SCUBE1: variants seen among roughly 807,000 people sequenced by gnomAD.
SCUBE1 encodes signal peptide, CUB and EGF-like domain-containing protein 1.
Under a neutral mutation model 124.4 loss-of-function variants are expected in SCUBE1, and 59 were observed. The observed-to-expected ratio is 0.47, with a 90% CI of 0.38 to 0.59. SCUBE1 has a LOEUF of 0.59. SCUBE1 is among the 20% of genes least tolerant of loss of function. The pLI is 0.00. For missense variants in SCUBE1, 1,150 were observed against 1,371.2 expected (o/e 0.84, Z 2.55); for synonymous variants, 545 against 550.9 (o/e 0.99, Z 0.15).
At chr22:43,212,975 A>C (rs1921636239) in intron 16 of SCUBE1, among the ~76,000 whole-genome samples, 1 of 152,084 alleles carries the variant, frequency 6.6e-6, no homozygotes. Flanking sequence ...CCGCAGAAGG[A>C]GCACCTGCTC....
intron 7 of SCUBE1, chr22:43,238,532 C>T (rs980727203): frequency 1.0e-5 from 6 of 591,118 alleles, no homozygotes; most frequent in Non-Finnish European, 9.1e-6. Context: ...ACAGTAGAGA[C>T]GCTGGCTTAA....
At chr22:43,218,775 G>C (rs1921952474) in intron 14 of SCUBE1, among the ~76,000 whole-genome samples, 1 of 152,160 alleles carries the variant, frequency 6.6e-6, no homozygotes, top group Non-Finnish European at 1.5e-5. Context: ...AGACTCTTGG[G>C]GACTGCCACT....
In SCUBE1 at chr22:43,198,890, C is replaced by T. The variant is rs1035157329; in HGVS notation, c.*5107G>A. ...TCTGCTGTCTGGGGCAGTTTGCTGT[C>T]TGCTTTCCGGGGCAGTTTGTCTGTC... On this transcript the variant is annotated 3_prime_UTR_variant, in exon 22 of 22. Coordinates refer to ENST00000360835, the MANE Select transcript of SCUBE1 (RefSeq NM_173050.5). 52 of 377,164 alleles carry T rather than the reference C, an allele frequency of 1.4e-4. 1 individual carries two copies. Among genetic ancestry groups the T allele is most frequent in the African/African-American group, 1.1e-3 (50 of 46,758 alleles). The allele number at this position is 377,164 out of a possible 1,614,324, so 23.4% of individuals were successfully genotyped here. A position where few individuals can be genotyped will look rare whatever the true frequency, so the allele number is the denominator to read the frequency against.
intron 6 of SCUBE1, among the ~76,000 whole-genome samples, chr22:43,251,106 G>A (rs972924749): frequency 6.6e-6 from 1 of 152,186 alleles, no homozygotes; most frequent in East Asian, 1.9e-4. Context: ...CTCTAGAGGG[G>A]TTGAGCAGTA....
intron 4 of SCUBE1, among the ~76,000 whole-genome samples, chr22:43,280,111 A>G (rs545498619): frequency 6.6e-6 from 1 of 152,206 alleles, no homozygotes; most frequent in East Asian, 1.9e-4. Context: ...CCCGGACCGC[A>G]TGAATCTGAT....
At chr22:43,251,618 C>T (rs997553434) in intron 6 of SCUBE1, among the ~76,000 whole-genome samples, 9 of 152,026 alleles carry the variant, frequency 5.9e-5, no homozygotes, top group Admixed American at 1.3e-4. Flanking sequence ...GAGAAGGGAC[C>T]GCGGGACAAG....
chr22:43,267,880 G>A (rs1924135969), intron 4 of SCUBE1, among the ~76,000 whole-genome samples: 1 of 152,240 alleles, frequency 6.6e-6, no homozygotes, highest in African/African-American at 2.4e-5. Flanking sequence ...GGCAGCTGGG[G>A]CCATGAGGGC....
At chr22:43,308,225 A>G (rs909450260) in intron 3 of SCUBE1, among the ~76,000 whole-genome samples, 4 of 152,330 alleles carry the variant, frequency 2.6e-5, no homozygotes, top group Middle Eastern at 3.4e-3. Flanking sequence ...TAACAGCTGT[A>G]GAAGGCGGAG....
At chr22:43,280,836 T>C (rs1601854137) in intron 4 of SCUBE1, among the ~76,000 whole-genome samples, 1 of 69,480 alleles carries the variant, frequency 1.4e-5, no homozygotes. Context: ...GTCACCTCCC[T>C]CTTTGGCCAC....
chr22:43,242,619 G>T (rs1189612203), intron 6 of SCUBE1, among the ~76,000 whole-genome samples: 1 of 152,216 alleles, frequency 6.6e-6, no homozygotes, highest in Non-Finnish European at 1.5e-5. Context: ...AAACACACTT[G>T]TGGAGGGCGG....
chr22:43,306,589 C>T (rs1302583357), intron 3 of SCUBE1, among the ~76,000 whole-genome samples: 1 of 152,130 alleles, frequency 6.6e-6, no homozygotes, highest in African/African-American at 2.4e-5. Flanking sequence ...TACAGGGATG[C>T]AATCCCTGAC....
chr22:43,206,334 C>T (rs1921278994), intron 21 of SCUBE1, among the ~76,000 whole-genome samples: 2 of 151,716 alleles, frequency 1.3e-5, no homozygotes, highest in Non-Finnish European at 2.9e-5. Flanking sequence ...ACACACTGAA[C>T]ACCTCCAAAC....
At chr22:43,283,062 C>G (rs1924989096) in intron 4 of SCUBE1, 1 of 152,516 alleles carries the variant, frequency 6.6e-6, no homozygotes, top group African/African-American at 2.4e-5. Context: ...GCTTCCTCTG[C>G]CTTGAACAGC....
chr22:43,207,499 G>A lies in SCUBE1; in HGVS notation c.2814+35C>T, dbSNP rs779978663. The A allele has an allele frequency of 3.3e-6, 5 of 1,537,698 alleles. No individual in the cohort carries two copies. In the East Asian group the frequency reaches 9.0e-5, roughly 28 times the overall value. On this transcript the variant is annotated intron_variant, in intron 21 of 21. Transcript: ENST00000360835. ...TGGCTCATCACAGGCCCCATCCCAG[G>A]GTTACGTGGATTCCCTTCCAATAAA...
rs369321686 is a variant in SCUBE1, at chr22:43,203,995, G to A, written c.*2C>T. The A allele has an allele frequency of 9.9e-6, 16 of 1,613,900 alleles. No homozygotes were observed. Among genetic ancestry groups the A allele is most frequent in the African/African-American group, 5.3e-5 (4 of 74,916 alleles). ...ACCCCCAGGCAGGGCCGCTCCCCCC[G>A]GTTATTTGTAGGGCCGCAGGAACCG... On this transcript the variant is annotated 3_prime_UTR_variant, in exon 22 of 22. Transcript: ENST00000360835.
intron 21 of SCUBE1, among the ~76,000 whole-genome samples, chr22:43,205,861 CCA>C (rs1290962483): frequency 5.5e-5 from 6 of 109,816 alleles, no homozygotes; most frequent in African/African-American, 1.8e-4. Flanking sequence ...CCACTCACCC[CCA>C]CACACACCAC....
rs182002477 is a variant in SCUBE1, at chr22:43,298,721, G to A, written c.350-7541C>T. On this transcript the variant is annotated intron_variant, in intron 3 of 21. Coordinates refer to ENST00000360835, the MANE Select transcript of SCUBE1 (RefSeq NM_173050.5). ...CCTGTGACCACTGCCCATGGGACCT[G>A]GCTGTTGCTCTACAAGTCATACCAG... is the stretch of plus-strand genomic sequence containing the variant. Among the ~76,000 whole-genome samples, 607 of 151,548 alleles carry A rather than the reference G, an allele frequency of 4.0e-3. 4 individuals are homozygous for A. Among genetic ancestry groups the A allele is most frequent in the African/African-American group, 0.014 (574 of 41,424 alleles).
chr22:43,261,548 A>G (rs1923870616), intron 5 of SCUBE1, among the ~76,000 whole-genome samples: 1 of 152,206 alleles, frequency 6.6e-6, no homozygotes, highest in South Asian at 2.1e-4. Flanking sequence ...AGCTGATGAC[A>G]ACTGAGAGGA....
chr22:43,293,426 C>A (rs371340127), intron 3 of SCUBE1, among the ~76,000 whole-genome samples: 67 of 152,352 alleles, frequency 4.4e-4, no homozygotes, highest in African/African-American at 1.6e-3. Flanking sequence ...GCAGAACACG[C>A]GCCTTTGGCC....
Sources: gnomAD v4.1 joint callset for allele counts (sites outside exome capture counted in the v4.1 genomes callset) on GRCh38, gnomAD v4.1.1 for gene constraint, MANE v1.5 for transcripts, NCBI Gene and HGNC (gene_info 2026-07-23, HGNC 2026-07-21) for gene names.